PCDHA2: variants seen among roughly 807,000 people sequenced by gnomAD.
The protein encoded by PCDHA2 is protocadherin alpha 2, also known as protocadherin alpha-2.
In PCDHA2, 58 loss-of-function variants were observed where a neutral mutation model predicts 66.0. That is an observed-to-expected ratio of 0.88 (90% CI 0.71 to 1.09). PCDHA2 has a LOEUF of 1.09. PCDHA2 is among the 50% of genes least tolerant of loss of function. The pLI is 0.00. For synonymous variants in PCDHA2, 634 were observed against 554.0 expected, an observed-to-expected ratio of 1.14 and a Z score of -2.03; for missense variants, 1,267 against 1,242.3, an observed-to-expected ratio of 1.02 and a Z score of -0.30.
intron 1 of PCDHA2, chr5:140,836,332 T>C (rs2150258033): frequency 1.2e-6 from 2 of 1,613,714 alleles, no homozygotes; most frequent in Non-Finnish European, 1.7e-6. Context: ...CTTCTGGTGC[T>C]TGTGAAGGAC....
chr5:140,828,521 G>A, intron 1 of PCDHA2: 1 of 1,614,218 alleles, frequency 6.2e-7, no homozygotes, highest in Non-Finnish European at 8.5e-7. Context: ...GCTGATTTAC[G>A]AATCTAGGCT....
intron 1 of PCDHA2, chr5:140,967,316 A>G (rs368129984): frequency 4.3e-6 from 7 of 1,610,310 alleles, no homozygotes; most frequent in African/African-American, 4.0e-5. Context: ...CTCAGTACAG[A>G]CCTACGAGCT....
intron 1 of PCDHA2, chr5:140,828,454 G>A (rs146288766): frequency 6.2e-7 from 1 of 1,614,124 alleles, no homozygotes; most frequent in African/African-American, 1.3e-5. Context: ...ATGTGGACGT[G>A]GAGGTGAGGG....
intron 1 of PCDHA2, among the ~76,000 whole-genome samples, chr5:140,952,252 A>T (rs1230858145): frequency 6.6e-6 from 1 of 151,034 alleles, no homozygotes; most frequent in Admixed American, 6.6e-5. Context: ...CTGCTGGTGG[A>T]TTCCCATTCT....
rs141107649 is a variant in PCDHA2 at position 140,802,741 on chromosome 5, G to A, written c.2388+5389G>A. ...TACGTGTCGGTACACGCGGAGAGCG[G>A]CAAGGTGTACGCGCTGCAGCCGCTG... On this transcript the variant is annotated intron_variant, in intron 1 of 3. Transcript: ENST00000526136. The A allele has an allele frequency of 1.9e-6, 3 of 1,612,476 alleles. No individual in the cohort carries two copies. In the African/African-American group the frequency reaches 4.0e-5, roughly 22 times the overall value.
chr5:140,803,571 G>T (rs1763239715), intron 1 of PCDHA2: 1 of 1,614,096 alleles, frequency 6.2e-7, no homozygotes, highest in African/African-American at 1.3e-5. Context: ...ACAGGATGTG[G>T]ACGTTGATCT....
At chr5:140,990,097 T>C (rs2097373826) in intron 3 of PCDHA2, among the ~76,000 whole-genome samples, 1 of 151,922 alleles carries the variant, frequency 6.6e-6, no homozygotes, top group African/African-American at 2.4e-5. Flanking sequence ...GTGCTACTAT[T>C]GAAACAGGAA....
At chr5:140,886,403 AT>A (rs1196342524) in intron 1 of PCDHA2, among the ~76,000 whole-genome samples, 19 of 152,184 alleles carry the variant, frequency 1.2e-4, no homozygotes, top group African/African-American at 4.6e-4. Context: ...CATCACAAAT[AT>A]GTTTTCCTCC....
chr5:140,919,607 A>T (rs1357882512), intron 1 of PCDHA2, among the ~76,000 whole-genome samples: 1 of 152,158 alleles, frequency 6.6e-6, no homozygotes. Context: ...ATAAATTTTA[A>T]ACTGTATCTT....
chr5:141,011,894 TATC>T lies in PCDHA2; in HGVS notation c.*1958_*1960del, dbSNP rs1554263691. 6.5e-6 allele frequency: 1 copy of T among 153,306 alleles called. No individual in the cohort carries two copies. The highest frequency in any genetic ancestry group is 2.4e-5 in the African/African-American group (1 of 41,080). 9.5% of individuals were successfully genotyped at this position (153,306 alleles called of 1,614,324 possible). On this transcript the variant is annotated 3_prime_UTR_variant, in exon 4 of 4. Transcript: ENST00000526136. Reference sequence around the variant, plus strand: ...AATTTAGAAGTTTGATTAATTATATTATCTATTTAGGCATTAATATAAAAGAGG... The same window carrying T: ...AATTTAGAAGTTTGATTAATTATATTTATTTAGGCATTAATATAAAAGAGG...
chr5:140,847,669 G>A (rs2150402722), intron 1 of PCDHA2: 11 of 149,670 alleles, frequency 7.3e-5, no homozygotes, highest in African/African-American at 2.7e-4. Flanking sequence ...TATAAAGCTT[G>A]GAAAGAATCA....
chr5:140,859,706 C>T (rs1311210067), intron 1 of PCDHA2: 1 of 153,842 alleles, frequency 6.5e-6, no homozygotes, highest in Non-Finnish European at 1.4e-5. Context: ...AGTTTAGGAA[C>T]ACCAAAAAAA....
chr5:140,835,608 C>A (rs1554135105), intron 1 of PCDHA2: 3 of 1,613,898 alleles, frequency 1.9e-6, no homozygotes, highest in South Asian at 2.2e-5. Flanking sequence ...TTCATTGGTG[C>A]TGGACAGCGC....
chr5:140,882,086 A>G (rs1416648023), intron 1 of PCDHA2: 4 of 1,056,010 alleles, frequency 3.8e-6, no homozygotes, highest in South Asian at 1.7e-5. Context: ...GTCGCTCTTC[A>G]CTGAGAACGT....
intron 1 of PCDHA2, chr5:140,825,402 A>G (rs1474755792): frequency 1.4e-5 from 2 of 146,354 alleles, no homozygotes; most frequent in East Asian, 3.9e-4. Context: ...CTAATATATT[A>G]TATATTTTAT....
intron 1 of PCDHA2, among the ~76,000 whole-genome samples, chr5:140,820,831 T>G (rs1040425267): frequency 6.6e-6 from 1 of 152,078 alleles, no homozygotes; most frequent in South Asian, 2.1e-4. Context: ...GCTTTATCAG[T>G]AATAGCAACT....
chr5:140,856,448 G>T (rs782383115), intron 1 of PCDHA2: 3 of 1,598,274 alleles, frequency 1.9e-6, no homozygotes, highest in South Asian at 2.2e-5. Context: ...CAGGTTCTCC[G>T]TAACAGAACA....
rs782761361 is a variant in PCDHA2, at chr5:140,927,794, C to T, written c.2389-51155C>T. 1.2e-5 allele frequency: 20 copies of T among 1,614,154 alleles called. No individual in the cohort carries two copies. In the South Asian group the frequency reaches 1.6e-4, roughly 13 times the overall value. Reference sequence around the variant, plus strand: ...GTGCAAGTAGCTGCTTCACTAGGTCCGCCTGAAACGCTCTTGGAGGCATAC... The same window carrying T: ...GTGCAAGTAGCTGCTTCACTAGGTCTGCCTGAAACGCTCTTGGAGGCATAC... On this transcript the variant is annotated intron_variant, in intron 1 of 3. Coordinates refer to ENST00000526136, the MANE Select transcript of PCDHA2 (RefSeq NM_018905.3).
chr5:140,919,505 CTA>C (rs2079156587), intron 1 of PCDHA2, among the ~76,000 whole-genome samples: 3 of 152,008 alleles, frequency 2.0e-5, no homozygotes, highest in Admixed American at 6.6e-5. Context: ...ACTCCTTTTT[CTA>C]TATGTTTTAA....
Sources: allele counts gnomAD v4.1 joint callset (sites outside exome capture counted in the v4.1 genomes callset), GRCh38; gene constraint gnomAD v4.1.1; transcripts MANE v1.5; gene names NCBI Gene and HGNC (gene_info 2026-07-23, HGNC 2026-07-21).